The following CLEC4F variants were observed in gnomAD, a reference collection of about 807,000 sequenced individuals.
CLEC4F encodes the protein C-type lectin domain family 4 member F, also known as C-type (calcium dependent, carbohydrate-recognition domain) lectin, superfamily member 13.
Under a neutral mutation model 53.4 loss-of-function variants are expected in CLEC4F, and 45 were observed. The observed-to-expected ratio is 0.84, with a 90% CI of 0.66 to 1.08. The LOEUF is 1.08. Ranked by LOEUF, CLEC4F falls within the 50% of genes least tolerant of loss-of-function variation. The pLI is 0.00. For missense variants in CLEC4F, 753 were observed against 698.2 expected (o/e 1.08, Z -0.88); for synonymous variants, 245 against 257.5 (o/e 0.95, Z 0.46).
chr2:70,824,420 A>G (rs75507500), upstream of CLEC4F, among the ~76,000 whole-genome samples: 1 of 152,050 alleles, frequency 6.6e-6, no homozygotes, highest in Non-Finnish European at 1.5e-5. Context: ...AATATTACTT[A>G]GCTCTCTCAG....
In CLEC4F at chr2:70,808,974, G is replaced by T. The variant is rs1177262823; in HGVS notation, c.*297C>A. On this transcript the variant is annotated 3_prime_UTR_variant, in exon 7 of 7. Transcript: ENST00000272367. ...TGGGCTTCTTGCACACCCACTGATAGGGGGTGTCACAGGTCATGTCATTCC... is the reference window on the plus strand; with the variant it reads ...TGGGCTTCTTGCACACCCACTGATATGGGGTGTCACAGGTCATGTCATTCC... 7.3e-6 allele frequency: 8 copies of T among 1,095,822 alleles called. No individual in the cohort carries two copies. Among genetic ancestry groups the T allele is most frequent in the South Asian group, 1.4e-5 (1 of 70,342 alleles). The allele number at this position is 1,095,822 out of a possible 1,614,324, so 67.9% of individuals were successfully genotyped here.
intron 4 of CLEC4F, among the ~76,000 whole-genome samples, chr2:70,815,792 C>T (rs1189037875): frequency 1.3e-5 from 2 of 152,144 alleles, no homozygotes; most frequent in East Asian, 3.8e-4. Context: ...ATTTGGTCAC[C>T]GTGACCAGGT....
intron 4 of CLEC4F, among the ~76,000 whole-genome samples, chr2:70,813,400 A>G (rs1342967313): frequency 6.6e-6 from 1 of 152,222 alleles, no homozygotes; most frequent in Non-Finnish European, 1.5e-5. Flanking sequence ...TAGTCACGGA[A>G]GAAGGTATGG....
intron 5 of CLEC4F, chr2:70,811,389 G>T: frequency 1.3e-6 from 1 of 749,162 alleles, no homozygotes; most frequent in South Asian, 1.4e-5. Context: ...TTTATCAAAG[G>T]ATTCATCAGG....
At chr2:70,811,019 CA>C in intron 5 of CLEC4F, 1 of 616,084 alleles carries the variant, frequency 1.6e-6, no homozygotes. Context: ...GGTGTCACTA[CA>C]GATGATTCCT....
Position 70,819,359 on chromosome 2 carries a change from G to A in CLEC4F, c.264C>T (p.Pro88=). The change falls in exon 3 of 7, where the codon CCC becomes CCT. Residue 88 remains proline, a synonymous_variant. Coordinates refer to ENST00000272367, the MANE Select transcript of CLEC4F (RefSeq NM_173535.3). ...ACCCCCACTGTGGCTACTCACTGTT[G>A]GGTTCAAAAGGTAAATGCCCAGTAA... ...DNITGHLPFE[P]NNHHHFGREA... is the part of the protein sequence containing the mutation. The A allele has an allele frequency of 6.2e-7, 1 of 1,613,726 alleles. No homozygotes were observed. Among genetic ancestry groups the A allele is most frequent in the Non-Finnish European group, 8.5e-7 (1 of 1,179,726 alleles).
chr2:70,819,594 G>T, intron 2 of CLEC4F, 150 bp from the exon 3 acceptor site: 1 of 888,772 alleles, frequency 1.1e-6, no homozygotes, highest in Non-Finnish European at 1.8e-6. Flanking sequence ...TTCTTGGGAG[G>T]CTCCCCCTTG....
chr2:70,820,733 C>T (rs1553397823), upstream of CLEC4F: 5 of 520,598 alleles, frequency 9.6e-6, no homozygotes, highest in Admixed American at 3.5e-5. Context: ...CCCATCTGCC[C>T]TATTTTCTTC....
In CLEC4F at chr2:70,816,409, C is replaced by T. The variant is rs1553395947; in HGVS notation, c.972G>A (p.Leu324=). 1 of 1,613,908 alleles carries T rather than the reference C, an allele frequency of 6.2e-7. No homozygotes were observed. Among genetic ancestry groups the T allele is most frequent in the Non-Finnish European group, 8.5e-7 (1 of 1,179,962 alleles). ...SAEIQFLRGH[L]ERAGDEIHVL... ...CGTGAATTTCATCACCAGCTCTTTC[C>T]AAATGACCTCTTAAGAACTGGATCT... The change falls in exon 4 of 7, where the codon TTG becomes TTA. Residue 324 remains leucine, a synonymous_variant. Transcript: ENST00000272367.
chr2:70,820,516 C>T lies in CLEC4F; in HGVS notation c.8G>A (p.Gly3Asp). MD[G>D]EAVRFCTDNQ... The stretch of plus-strand genomic sequence containing the variant: ...ATCTGTGCAGAAGCGGACTGCCTCA[C>T]CGTCCATCTCTGCTTCCTTGATCCT... Residue 3 changes from glycine (G) to aspartate (D), a missense_variant, in exon 1 of 7, where the codon GGT becomes GAT. Transcript: ENST00000272367. 1 of 1,587,338 alleles carries T rather than the reference C, an allele frequency of 6.3e-7. No individual in the cohort carries two copies. Among genetic ancestry groups the T allele is most frequent in the South Asian group, 1.1e-5 (1 of 87,204 alleles).
rs1677177694 is a variant in CLEC4F, at chr2:70,820,477, G to A, written c.47C>T (p.Ser16Phe). 1.3e-6 allele frequency: 2 copies of A among 1,588,312 alleles called. No homozygotes were observed. The highest frequency in any genetic ancestry group is 1.7e-6 in the Non-Finnish European group (2 of 1,165,314). The change falls in exon 1 of 7, where the codon TCC becomes TTC. Residue 16 changes from serine (S) to phenylalanine (F), a missense_variant. By Grantham distance (155) the Ser-to-Phe change is radical. Transcript: ENST00000272367. Reference protein sequence around the residue: ...VRFCTDNQCVSLHPQEVDSVA... With the variant: ...VRFCTDNQCVFLHPQEVDSVA... ...AGTTTTCTCACCTTGGGGGTGCAGG[G>A]AGACACACTGGTTATCTGTGCAGAA...
At chr2:70,819,323 C>T (rs782574380) in intron 3 of CLEC4F, 32 bp downstream of exon 3, 2 of 1,579,790 alleles carry the variant, frequency 1.3e-6, no homozygotes, top group East Asian at 2.2e-5. Context: ...CCCCAGTTCC[C>T]TCTGCACCCC....
At chr2:70,809,880 G>A (rs781890521) in intron 5 of CLEC4F, 23 bp from the exon 6 acceptor site, 39 of 1,558,318 alleles carry the variant, frequency 2.5e-5, no homozygotes, top group Non-Finnish European at 3.3e-5. Context: ...GGCAGTGTCA[G>A]TTTGCCCCTG....
upstream of CLEC4F, chr2:70,820,604 G>A: frequency 7.3e-7 from 1 of 1,361,038 alleles, no homozygotes; most frequent in South Asian, 1.3e-5. Flanking sequence ...GGCAGTGGAA[G>A]CAAAGCTGAG....
rs782804774 is a variant in CLEC4F, at chr2:70,816,621, T to C, written c.760A>G (p.Ile254Val). ...NSSLKNANAE[I>V]YVLRGHLDSV... ...TCTAGATGGCCTCTCAAAACATAGA[T>C]CTCAGCATTAGCGTTCTTTAAACTG... The change falls in exon 4 of 7, where the codon ATC becomes GTC. Residue 254 changes from isoleucine (I) to valine (V), a missense_variant. Transcript: ENST00000272367. The C allele has an allele frequency of 1.2e-6, 2 of 1,614,170 alleles. No individual in the cohort carries two copies. The highest frequency in any genetic ancestry group is 1.7e-6 in the Non-Finnish European group (2 of 1,180,026).
intron 5 of CLEC4F, among the ~76,000 whole-genome samples, chr2:70,810,448 G>A (rs78024150): frequency 0.061 from 9,302 of 151,450 alleles, 605 homozygotes; most frequent in East Asian, 0.25. Context: ...GTGAAACCCC[G>A]TCTCTACTAA....
intron 5 of CLEC4F, chr2:70,811,141 G>A (rs1314910528): frequency 1.8e-5 from 12 of 685,686 alleles, no homozygotes; most frequent in Admixed American, 5.5e-5. Context: ...AGTTTTATGA[G>A]CTATGCAAAG....
chr2:70,809,042 T>C lies in CLEC4F; in HGVS notation c.*229A>G. ...ACACAGTCTTCAGTCTGCCCATTCT[T>C]GTGCCGCCAGTTGTCAGACTGATTC... is the stretch of plus-strand genomic sequence containing the variant. On this transcript the variant is annotated 3_prime_UTR_variant, in exon 7 of 7. Transcript: ENST00000272367. The C allele has an allele frequency of 5.9e-6, 9 of 1,515,160 alleles. No homozygotes were observed. The highest frequency in any genetic ancestry group is 1.7e-4 in the Middle Eastern group (1 of 5,932). The allele number at this position is 1,515,160 out of a possible 1,614,324, so 93.9% of individuals were successfully genotyped here. A position where few individuals can be genotyped will look rare whatever the true frequency, so the allele number is the denominator to read the frequency against.
upstream of CLEC4F, among the ~76,000 whole-genome samples, chr2:70,823,094 A>C (rs1257736433): frequency 6.6e-6 from 1 of 151,392 alleles, no homozygotes; most frequent in Non-Finnish European, 1.5e-5. Flanking sequence ...GCCCACACCC[A>C]GTTCATGATG....
Sources: gnomAD v4.1 joint callset for allele counts (sites outside exome capture counted in the v4.1 genomes callset) on GRCh38, gnomAD v4.1.1 for gene constraint, MANE v1.5 for transcripts, NCBI Gene and HGNC (gene_info 2026-07-23, HGNC 2026-07-21) for gene names.